Variants in RPL26L1 observed in about 807,000 individuals in gnomAD.
RPL26L1 encodes ribosomal protein uL24-like.
A neutral mutation model predicts 15.2 loss-of-function variants in RPL26L1; 8 were observed. The observed-to-expected ratio is 0.53, with a 90% CI of 0.31 to 0.95. The LOEUF (loss-of-function observed/expected upper bound fraction) is 0.95, where lower values mean the gene tolerates loss of function less well. Among genes scored for constraint, RPL26L1 ranks in the 40% least tolerant of loss-of-function variants. The pLI is 0.05. For missense variants in RPL26L1, 146 were observed against 190.9 expected (o/e 0.76, Z 1.39); for synonymous variants, 51 against 65.9 (o/e 0.77, Z 1.09).
intron 2 of RPL26L1, among the ~76,000 whole-genome samples, chr5:172,963,124 T>G (rs1011196800): frequency 6.6e-6 from 1 of 152,066 alleles, no homozygotes; most frequent in Non-Finnish European, 1.5e-5. Flanking sequence ...ACGCCTGTAA[T>G]CCCGACACTT....
intron 2 of RPL26L1, among the ~76,000 whole-genome samples, chr5:172,964,843 C>T (rs1016598688): frequency 1.3e-5 from 2 of 152,220 alleles, no homozygotes; most frequent in Non-Finnish European, 2.9e-5. Context: ...TACACGTTTA[C>T]CTGTAGTTCC....
upstream of RPL26L1, chr5:172,957,653 T>TGA (rs1755021310): frequency 1.3e-5 from 3 of 229,890 alleles, no homozygotes; most frequent in Non-Finnish European, 2.6e-5. Context: ...ATGAATGAAC[T>TGA]CCTTGGGGCA....
intron 3 of RPL26L1, 28 bp from the exon 4 acceptor site, chr5:172,969,381 GAAAT>G: frequency 1.2e-6 from 2 of 1,608,364 alleles, no homozygotes; most frequent in Admixed American, 1.7e-5. Context: ...TGGGGATGCA[GAAAT>G]AAAGACCTGT....
At chr5:172,954,976 G>A (rs747230127), upstream of RPL26L1, 16 of 451,776 alleles carry the variant, frequency 3.5e-5, no homozygotes, top group African/African-American at 2.5e-4. Context: ...GGGAAGTTGC[G>A]GAAGAGGCGT....
At chr5:172,959,372 C>T (rs1056579321), upstream of RPL26L1, 25 of 1,004,194 alleles carry the variant, frequency 2.5e-5, no homozygotes, top group African/African-American at 8.6e-5. Flanking sequence ...GACTTCGCTC[C>T]TACGGAAATG....
At chr5:172,961,681 G>C (rs891850013) in intron 2 of RPL26L1, among the ~76,000 whole-genome samples, 15 of 152,206 alleles carry the variant, frequency 9.9e-5, no homozygotes, top group Non-Finnish European at 1.9e-4. Context: ...GAATCCAGTG[G>C]ACACATCTAG....
chr5:172,969,316 G>A lies in RPL26L1; in HGVS notation c.310-97G>A, dbSNP rs183980341. 1.5e-3 allele frequency: 1,899 copies of A among 1,281,694 alleles called. 6 individuals are homozygous for A. The highest frequency in any genetic ancestry group is 4.6e-3 in the Admixed American group (213 of 46,194). The allele number at this position is 1,281,694 out of a possible 1,614,324, so 79.4% of individuals were successfully genotyped here. The stretch of plus-strand genomic sequence containing the variant: ...CTTCCAGAGTTTCAGTTCCTTAAAA[G>A]CTGAATGGCTGAGGTCTTACTTAAC... On this transcript the variant is annotated intron_variant, in intron 3 of 3. Coordinates refer to ENST00000265100, the MANE Select transcript of RPL26L1 (RefSeq NM_016093.4).
At position 172,959,849 on chromosome 5, in the gene RPL26L1, T is replaced by G; in HGVS notation, c.-9-16T>G. Reference sequence around the variant, plus strand: ...ACTGAGCGCCCCTTCATTCCGTCTCTCTCCGCCCTTTGTAGAGGGTCACCA... The same window carrying G: ...ACTGAGCGCCCCTTCATTCCGTCTCGCTCCGCCCTTTGTAGAGGGTCACCA... On this transcript the variant is annotated splice_polypyrimidine_tract_variant and intron_variant, in intron 1 of 3. Coordinates refer to ENST00000265100, the MANE Select transcript of RPL26L1 (RefSeq NM_016093.4). 3.7e-6 allele frequency: 6 copies of G among 1,613,728 alleles called. No individual in the cohort carries two copies. The highest frequency in any genetic ancestry group is 5.1e-6 in the Non-Finnish European group (6 of 1,179,746).
At chr5:172,966,291 A>G (rs1039474865) in intron 2 of RPL26L1, among the ~76,000 whole-genome samples, 4 of 140,240 alleles carry the variant, frequency 2.9e-5, no homozygotes, top group African/African-American at 5.2e-5. Flanking sequence ...TCATAGGCGC[A>G]TGCCACCATG....
intron 3 of RPL26L1, among the ~76,000 whole-genome samples, chr5:172,969,166 C>G (rs1207891148): frequency 4.6e-5 from 7 of 152,124 alleles, no homozygotes; most frequent in Non-Finnish European, 8.8e-5. Context: ...ATCACTTCCC[C>G]TACCACATAA....
Position 172,966,862 on chromosome 5 carries a change from G to T in RPL26L1, c.169-1597G>T, listed in dbSNP as rs576942151. 6.9e-5 allele frequency among the ~76,000 whole-genome samples: 10 copies of T among 144,674 alleles called. No homozygotes were observed. The South Asian group carries it at 1.8e-3, about 25-fold the overall frequency. 94.9% of individuals were successfully genotyped at this position (144,674 alleles called of 152,430 possible). ...AATCAGAGTCACATCGTACCTGGTG[G>T]TTTTTTTTTTTTGAGGCGGTGTCTC... On this transcript the variant is annotated intron_variant, in intron 2 of 3. Coordinates refer to ENST00000265100, the MANE Select transcript of RPL26L1 (RefSeq NM_016093.4).
At chr5:172,960,669 C>T (rs954526231) in intron 2 of RPL26L1, among the ~76,000 whole-genome samples, 6 of 151,946 alleles carry the variant, frequency 3.9e-5, no homozygotes. Flanking sequence ...CATGTGAGAA[C>T]GTACAAGCCC....
At chr5:172,955,190 G>A (rs1332064978), upstream of RPL26L1, 4 of 346,514 alleles carry the variant, frequency 1.2e-5, no homozygotes, top group East Asian at 7.8e-5. Flanking sequence ...GTGCAATGGC[G>A]CGATATCGGC....
chr5:172,967,668 G>T (rs2113550710), intron 2 of RPL26L1, among the ~76,000 whole-genome samples: 1 of 151,802 alleles, frequency 6.6e-6, no homozygotes, highest in South Asian at 2.1e-4. Context: ...CTGTAATCCT[G>T]CTTCCTGCCT....
intron 2 of RPL26L1, among the ~76,000 whole-genome samples, chr5:172,964,715 G>A (rs1395355946): frequency 2.0e-5 from 3 of 152,224 alleles, no homozygotes; most frequent in East Asian, 1.9e-4. Context: ...CTCCTCTCAC[G>A]GGATCTTCTG....
chr5:172,959,728 TCCTC>T (rs942170602), intron 1 of RPL26L1, 133 bp from the exon 2 acceptor site: 50 of 1,155,050 alleles, frequency 4.3e-5, no homozygotes, highest in Non-Finnish European at 5.5e-5. Context: ...CATCTCTCTG[TCCTC>T]CCTCAGTTGC....
At chr5:172,968,126 A>T (rs1755538650) in intron 2 of RPL26L1, among the ~76,000 whole-genome samples, 1 of 152,138 alleles carries the variant, frequency 6.6e-6, no homozygotes, top group African/African-American at 2.4e-5. Context: ...CCTAAATCCA[A>T]AACACTTCTG....
chr5:172,955,244 T>G, upstream of RPL26L1: 1 of 333,596 alleles, frequency 3.0e-6, no homozygotes, highest in South Asian at 2.4e-5. Flanking sequence ...TTCTCCTGTT[T>G]CAGCCTCCTG....
chr5:172,968,012 C>A (rs1407461659), intron 2 of RPL26L1, among the ~76,000 whole-genome samples: 1 of 151,864 alleles, frequency 6.6e-6, no homozygotes, highest in African/African-American at 2.4e-5. Context: ...GAGACTTTGT[C>A]AACGTGATGG....
Sources: gnomAD v4.1 joint callset for allele counts (sites outside exome capture counted in the v4.1 genomes callset) on GRCh38, gnomAD v4.1.1 for gene constraint, MANE v1.5 for transcripts, NCBI Gene and HGNC (gene_info 2026-07-23, HGNC 2026-07-21) for gene names.